KCNQ5: variants seen among roughly 807,000 people sequenced by gnomAD.
KCNQ5 encodes potassium voltage-gated channel subfamily Q member 5.
KCNQ5 carries 30 observed loss-of-function variants against 98.2 expected under a neutral mutation model. That is an observed-to-expected ratio of 0.31 (90% CI 0.23 to 0.41). The LOEUF (loss-of-function observed/expected upper bound fraction) is 0.41, where lower values mean the gene tolerates loss of function less well. Ranked by LOEUF, KCNQ5 falls within the 10% of genes least tolerant of loss-of-function variation. The pLI, the probability that KCNQ5 is intolerant of heterozygous loss-of-function variation, is 1.00. For synonymous variants in KCNQ5, 458 were observed against 449.4 expected, an observed-to-expected ratio of 1.02 and a Z score of -0.24; for missense variants, 835 against 1,182.5, an observed-to-expected ratio of 0.71 and a Z score of 4.31.
intron 10 of KCNQ5, among the ~76,000 whole-genome samples, chr6:73,140,647 T>C (rs1034313933): frequency 2.0e-5 from 3 of 152,232 alleles, no homozygotes; most frequent in African/African-American, 7.2e-5. Flanking sequence ...TTATTGAGAA[T>C]GACTGGATCT....
At chr6:72,826,991 C>T (rs1337691240) in intron 1 of KCNQ5, among the ~76,000 whole-genome samples, 4 of 152,120 alleles carry the variant, frequency 2.6e-5, no homozygotes, top group African/African-American at 7.2e-5. Context: ...ACTTTATGTT[C>T]CTGGCTTATT....
At chr6:72,985,184 C>T (rs910772964) in intron 1 of KCNQ5, among the ~76,000 whole-genome samples, 17 of 152,108 alleles carry the variant, frequency 1.1e-4, no homozygotes, top group Middle Eastern at 6.8e-3. Context: ...CCAGTGTGGG[C>T]GACAGCGCAA....
At chr6:73,189,609 ATTTAG>A (rs144043457) in intron 11 of KCNQ5, among the ~76,000 whole-genome samples, 1,706 of 152,310 alleles carry the variant, frequency 0.011, 21 homozygotes, top group Non-Finnish European at 0.013. Flanking sequence ...TCTATGGGCC[ATTTAG>A]TAGCTGAAAA....
chr6:73,020,803 A>G (rs1221428441), intron 2 of KCNQ5, among the ~76,000 whole-genome samples: 1 of 152,144 alleles, frequency 6.6e-6, no homozygotes, highest in East Asian at 1.9e-4. Context: ...GGAAGACCAA[A>G]TATACTGTGT....
chr6:72,660,468 C>CA (rs561742787), intron 1 of KCNQ5, among the ~76,000 whole-genome samples: 94 of 150,566 alleles, frequency 6.2e-4, no homozygotes, highest in Middle Eastern at 6.8e-3. Context: ...AAAAGGCCAA[C>CA]AATAACATGT....
chr6:73,076,189 C>G (rs181655728), intron 3 of KCNQ5, among the ~76,000 whole-genome samples: 2 of 152,194 alleles, frequency 1.3e-5, no homozygotes, highest in African/African-American at 4.8e-5. Context: ...GGAGACCAGA[C>G]CTTTCTCAGT....
At chr6:72,889,507 T>C (rs543094677) in intron 1 of KCNQ5, among the ~76,000 whole-genome samples, 6 of 152,232 alleles carry the variant, frequency 3.9e-5, no homozygotes, top group Admixed American at 1.3e-4. Context: ...AGGTATAAAA[T>C]GAAGCAGTAC....
chr6:72,680,852 T>TTAGTCCTAAATAACC (rs1176661248), intron 1 of KCNQ5, among the ~76,000 whole-genome samples: 1 of 152,200 alleles, frequency 6.6e-6, no homozygotes, highest in Non-Finnish European at 1.5e-5. Context: ...CTTTGTTGGA[T>TTAGTCCTAAATAACC]TAGTCCTAAA....
chr6:73,097,620 C>A (rs901222191), intron 5 of KCNQ5, among the ~76,000 whole-genome samples: 1 of 152,132 alleles, frequency 6.6e-6, no homozygotes, highest in Non-Finnish European at 1.5e-5. Flanking sequence ...GGCCACAAGG[C>A]TGCTTGTGTC....
chr6:73,148,893 C>G (rs139334925), intron 10 of KCNQ5, among the ~76,000 whole-genome samples: 1 of 152,178 alleles, frequency 6.6e-6, no homozygotes, highest in East Asian at 1.9e-4. Context: ...TGGTCACCTC[C>G]TAGGGAAGCA....
intron 11 of KCNQ5, among the ~76,000 whole-genome samples, chr6:73,181,194 T>G (rs1464307851): frequency 6.6e-6 from 1 of 152,196 alleles, no homozygotes; most frequent in African/African-American, 2.4e-5. Context: ...TTTAGGTTTG[T>G]GATGAATCTT....
At chr6:73,129,743 C>G in intron 9 of KCNQ5, 2 of 1,510,810 alleles carry the variant, frequency 1.3e-6, no homozygotes, top group Non-Finnish European at 1.8e-6. Context: ...GAGCACTTTC[C>G]TATTCGTGAA....
At chr6:72,801,202 A>G (rs906696170) in intron 1 of KCNQ5, among the ~76,000 whole-genome samples, 1 of 149,308 alleles carries the variant, frequency 6.7e-6, no homozygotes, top group Non-Finnish European at 1.5e-5. Flanking sequence ...TGTCTCGTTG[A>G]TCTGTCTAAT....
intron 1 of KCNQ5, among the ~76,000 whole-genome samples, chr6:72,783,167 T>A (rs1355597128): frequency 6.6e-6 from 1 of 152,194 alleles, no homozygotes; most frequent in South Asian, 2.1e-4. Flanking sequence ...CCTAGAGTTG[T>A]GTCCTTCAGG....
intron 1 of KCNQ5, among the ~76,000 whole-genome samples, chr6:72,735,096 GA>G (rs1360619413): frequency 1.3e-5 from 2 of 152,046 alleles, no homozygotes; most frequent in Non-Finnish European, 1.5e-5. Context: ...TAACATACTG[GA>G]AAAAAATTCA....
At chr6:72,708,779 G>A (rs1227728807) in intron 1 of KCNQ5, among the ~76,000 whole-genome samples, 1 of 151,958 alleles carries the variant, frequency 6.6e-6, no homozygotes, top group Non-Finnish European at 1.5e-5. Flanking sequence ...GCCTTCTAAA[G>A]TGCTGGAATT....
At chr6:73,175,096 C>T (rs1315212793) in intron 11 of KCNQ5, among the ~76,000 whole-genome samples, 1 of 152,134 alleles carries the variant, frequency 6.6e-6, no homozygotes. Context: ...TTGCCATTTT[C>T]CCCTTGAAGT....
At chr6:72,964,945 A>G (rs529018304) in intron 1 of KCNQ5, among the ~76,000 whole-genome samples, 1 of 152,244 alleles carries the variant, frequency 6.6e-6, no homozygotes, top group African/African-American at 2.4e-5. Context: ...CTTTTTTTAA[A>G]AAAAAATTCT....
intron 10 of KCNQ5, among the ~76,000 whole-genome samples, chr6:73,146,053 A>C (rs1040627169): frequency 1.1e-4 from 16 of 152,102 alleles, no homozygotes; most frequent in Admixed American, 8.5e-4. Context: ...ACAACTCAAC[A>C]TGAGATTTGG....
Sources: allele counts gnomAD v4.1 joint callset (sites outside exome capture counted in the v4.1 genomes callset), GRCh38; gene constraint gnomAD v4.1.1; transcripts MANE v1.5; gene names NCBI Gene and HGNC (gene_info 2026-07-23, HGNC 2026-07-21).